ARL6: variants seen among roughly 807,000 people sequenced by gnomAD.
ARL6 encodes the protein ARF like GTPase 6.
A neutral mutation model predicts 27.1 loss-of-function variants in ARL6; 18 were observed. That is an observed-to-expected ratio of 0.66 (90% CI 0.46 to 0.98). The LOEUF (loss-of-function observed/expected upper bound fraction) is 0.98, where lower values mean the gene tolerates loss of function less well. Among genes scored for constraint, ARL6 ranks in the 50% least tolerant of loss-of-function variants. The probability of loss-of-function intolerance (pLI) is 0.00; values close to 1 mark genes in which losing one functional copy is unlikely to be tolerated. For missense variants in ARL6, 187 were observed against 214.9 expected, an observed-to-expected ratio of 0.87 and a Z score of 0.81; for synonymous variants, 65 against 72.3, an observed-to-expected ratio of 0.90 and a Z score of 0.51.
rs550419069 is a variant in ARL6, at chr3:97,786,321, G to A, written c.349+1272G>A. ...GATAGCACCACTGAGGGCAACGGAG[G>A]AGACTCTGTCTCAAAAAAAAAAACA... is the stretch of plus-strand genomic sequence containing the variant. On this transcript the variant is annotated intron_variant, in intron 5 of 7. Transcript: ENST00000463745. Among the ~76,000 whole-genome samples, 449 of 151,206 alleles carry A rather than the reference G, an allele frequency of 3.0e-3. 2 individuals carry two copies. Among genetic ancestry groups the A allele is most frequent in the Non-Finnish European group, 4.9e-3 (334 of 67,818 alleles).
chr3:97,774,335 A>G (rs551137881), intron 2 of ARL6, among the ~76,000 whole-genome samples: 70 of 151,786 alleles, frequency 4.6e-4, no homozygotes, highest in Non-Finnish European at 9.4e-4. Context: ...TTAGTTTAGA[A>G]TCCCCCCGGG....
At chr3:97,784,174 A>G (rs1046035850) in intron 4 of ARL6, among the ~76,000 whole-genome samples, 1 of 151,872 alleles carries the variant, frequency 6.6e-6, no homozygotes, top group African/African-American at 2.4e-5. Flanking sequence ...GTATTTGATG[A>G]CACATCCATG....
chr3:97,782,675 C>G (rs962955456), intron 4 of ARL6, among the ~76,000 whole-genome samples: 18 of 151,472 alleles, frequency 1.2e-4, no homozygotes, highest in Admixed American at 9.2e-4. Flanking sequence ...AGCATTTTTA[C>G]TTTTAGAAAA....
At chr3:97,797,901 T>C in intron 7 of ARL6, 123 bp from the exon 8 acceptor site, 1 of 916,342 alleles carries the variant, frequency 1.1e-6, no homozygotes, top group South Asian at 1.5e-5. Context: ...TAAAAAATAA[T>C]AATAACAAAA....
At chr3:97,784,217 T>C (rs1213112323) in intron 4 of ARL6, among the ~76,000 whole-genome samples, 2 of 151,842 alleles carry the variant, frequency 1.3e-5, no homozygotes, top group Admixed American at 1.3e-4. Flanking sequence ...TAAAAGAAGA[T>C]AGTGCAGAGG....
chr3:97,774,283 G>C (rs548307646), intron 2 of ARL6, among the ~76,000 whole-genome samples: 5 of 152,098 alleles, frequency 3.3e-5, no homozygotes, highest in South Asian at 2.1e-4. Context: ...TACCTCTGGG[G>C]CCCCCCCAGG....
At chr3:97,797,965 T>G in intron 7 of ARL6, 59 bp from the exon 8 acceptor site, 1 of 1,509,568 alleles carries the variant, frequency 6.6e-7, no homozygotes, top group East Asian at 2.3e-5. Flanking sequence ...TTAGATTACT[T>G]TAGAAAATAG....
Position 97,798,092 on chromosome 3 carries a change from A to C in ARL6, c.*43A>C, listed in dbSNP as rs2038089258. ...ACCTCAGCAATTTTCAATTCAAGGA[A>C]TCTATCTAAGACAAATAGAATACAT... On this transcript the variant is annotated 3_prime_UTR_variant, in exon 8 of 8. Coordinates refer to ENST00000463745, the MANE Select transcript of ARL6 (RefSeq NM_001278293.3). The C allele has an allele frequency of 1.9e-6, 3 of 1,579,090 alleles. No homozygotes were observed. The highest frequency in any genetic ancestry group is 1.7e-5 in the Admixed American group (1 of 59,932).
intron 5 of ARL6, among the ~76,000 whole-genome samples, chr3:97,785,403 T>A (rs1229716623): frequency 2.0e-5 from 3 of 150,872 alleles, no homozygotes; most frequent in Admixed American, 6.6e-5. Context: ...CCATTAAAAT[T>A]ATTTGTTACC....
In ARL6 at chr3:97,799,640, T is replaced by A. The variant is rs1187812723; in HGVS notation, c.*1591T>A. On this transcript the variant is annotated 3_prime_UTR_variant, in exon 8 of 8. Coordinates refer to ENST00000463745, the MANE Select transcript of ARL6 (RefSeq NM_001278293.3). ...TAGTAATAAAATTAATAATAGTTAC[T>A]ACTATATGATCATTATATTATAAGC... 6.6e-6 allele frequency: 1 copy of A among 152,170 alleles called. No homozygotes were observed. The highest frequency in any genetic ancestry group is 2.4e-5 in the African/African-American group (1 of 41,478). The allele number at this position is 152,170 out of a possible 1,614,324, so 9.4% of individuals were successfully genotyped here.
At chr3:97,791,682 A>C (rs1193417205) in intron 6 of ARL6, 89 bp from the exon 7 acceptor site, 1 of 1,188,832 alleles carries the variant, frequency 8.4e-7, no homozygotes, top group Non-Finnish European at 1.3e-6. Context: ...ATAATGTGTT[A>C]ATTCTCCATA....
At chr3:97,781,940 G>T (rs985104111) in intron 4 of ARL6, among the ~76,000 whole-genome samples, 1 of 151,898 alleles carries the variant, frequency 6.6e-6, no homozygotes, top group African/African-American at 2.4e-5. Context: ...ACATTAAATG[G>T]TATATATTTG....
At chr3:97,796,024 C>T (rs569029418) in intron 7 of ARL6, among the ~76,000 whole-genome samples, 1 of 152,178 alleles carries the variant, frequency 6.6e-6, no homozygotes, top group South Asian at 2.1e-4. Flanking sequence ...TTGGAGATCC[C>T]AAGGAAATGG....
At chr3:97,797,216 G>A (rs2038045593) in intron 7 of ARL6, among the ~76,000 whole-genome samples, 1 of 152,114 alleles carries the variant, frequency 6.6e-6, no homozygotes, top group African/African-American at 2.4e-5. Flanking sequence ...TCTTCAAGAA[G>A]GCAAAGTAGA....
chr3:97,794,887 A>G (rs1456289387), intron 7 of ARL6, among the ~76,000 whole-genome samples: 1 of 152,066 alleles, frequency 6.6e-6, no homozygotes, highest in Admixed American at 6.6e-5. Flanking sequence ...GGAGTTCGAT[A>G]CCAGCCTAGC....
chr3:97,794,916 A>G (rs1227300471), intron 7 of ARL6, among the ~76,000 whole-genome samples: 2 of 152,040 alleles, frequency 1.3e-5, no homozygotes, highest in African/African-American at 4.8e-5. Flanking sequence ...GTGAAACACT[A>G]TTGTGACTAA....
intron 7 of ARL6, among the ~76,000 whole-genome samples, chr3:97,794,904 T>C (rs1453298338): frequency 6.6e-6 from 1 of 152,072 alleles, no homozygotes; most frequent in Non-Finnish European, 1.5e-5. Flanking sequence ...TAGCCAACTA[T>C]AGTGAAACAC....
rs534415802 is a variant in ARL6, at chr3:97,798,592, G to T, written c.*543G>T. ...TAATGCTCTGTTAGTATGGTATTTC[G>T]TGTCATACTGTCAAGCATTTGTAAA... On this transcript the variant is annotated 3_prime_UTR_variant, in exon 8 of 8. Coordinates refer to ENST00000463745, the MANE Select transcript of ARL6 (RefSeq NM_001278293.3). The T allele has an allele frequency of 6.6e-6, 1 of 152,542 alleles. No individual in the cohort carries two copies. Among genetic ancestry groups the T allele is most frequent in the East Asian group, 1.9e-4 (1 of 5,208 alleles). 9.4% of individuals were successfully genotyped at this position (152,542 alleles called of 1,614,324 possible). A position where few individuals can be genotyped will look rare whatever the true frequency, so the allele number is the denominator to read the frequency against.
intron 7 of ARL6, 109 bp from the exon 8 acceptor site, chr3:97,797,915 C>A: frequency 1.0e-6 from 1 of 993,508 alleles, no homozygotes; most frequent in Non-Finnish European, 1.6e-6. Context: ...AACAAAAGCA[C>A]ATGTATACAT....
Sources: allele counts gnomAD v4.1 joint callset (sites outside exome capture counted in the v4.1 genomes callset), GRCh38; gene constraint gnomAD v4.1.1; transcripts MANE v1.5; gene names NCBI Gene and HGNC (gene_info 2026-07-23, HGNC 2026-07-21).